The following PCDHA9 variants were observed in gnomAD, a reference collection of about 807,000 sequenced individuals.
PCDHA9 encodes the protein protocadherin alpha-9.
PCDHA9 carries 62 observed loss-of-function variants against 62.0 expected under a neutral mutation model. The ratio of observed to expected loss-of-function variants is 1.00; its 90% CI spans 0.81 to 1.23. The LOEUF is 1.23. Ranked by LOEUF, PCDHA9 falls within the 50% of genes most tolerant of loss-of-function variation. The probability of loss-of-function intolerance (pLI) is 0.00; values close to 1 mark genes in which losing one functional copy is unlikely to be tolerated. For missense variants in PCDHA9, 1,205 were observed against 1,249.8 expected, an observed-to-expected ratio of 0.96 and a Z score of 0.54; for synonymous variants, 557 against 567.6, an observed-to-expected ratio of 0.98 and a Z score of 0.27.
At chr5:140,924,670 C>A (rs2081947196) in intron 1 of PCDHA9, among the ~76,000 whole-genome samples, 1 of 151,926 alleles carries the variant, frequency 6.6e-6, no homozygotes, top group African/African-American at 2.4e-5. Flanking sequence ...CGAGGCAGGC[C>A]AATCACTTGA....
At chr5:140,969,761 T>C (rs886878870) in intron 1 of PCDHA9, among the ~76,000 whole-genome samples, 1 of 152,234 alleles carries the variant, frequency 6.6e-6, no homozygotes, top group African/African-American at 2.4e-5. Flanking sequence ...TAAAAAGCTC[T>C]GAGGCCTCTA....
At chr5:140,917,287 G>A (rs190210744) in intron 1 of PCDHA9, among the ~76,000 whole-genome samples, 51 of 147,686 alleles carry the variant, frequency 3.5e-4, no homozygotes, top group Admixed American at 7.7e-4. Flanking sequence ...ACGCTTTTCC[G>A]TGTGCAGATA....
chr5:140,877,303 T>G, intron 1 of PCDHA9: 1 of 1,613,850 alleles, frequency 6.2e-7, no homozygotes, highest in South Asian at 1.1e-5. Flanking sequence ...GTCCTACGAG[T>G]TGCAACCGGC....
rs576230620 is a variant in PCDHA9 at position 140,948,680 on chromosome 5, T to C, written c.2395-30269T>C. 2.0e-5 allele frequency among the ~76,000 whole-genome samples: 3 copies of C among 151,762 alleles called. No homozygotes were observed. The South Asian group carries it at 6.2e-4, about 31-fold the overall frequency. On this transcript the variant is annotated intron_variant, in intron 1 of 3. Coordinates refer to ENST00000532602, the MANE Select transcript of PCDHA9 (RefSeq NM_031857.2). Reference sequence around the variant, plus strand: ...ATCTGTAGTGATAACATCTTTTTCATTTTTGATATTGGTGATTTGTGTTCT... The same window carrying C: ...ATCTGTAGTGATAACATCTTTTTCACTTTTGATATTGGTGATTTGTGTTCT...
chr5:140,858,071 C>T (rs782061637), intron 1 of PCDHA9: 1 of 1,597,680 alleles, frequency 6.3e-7, no homozygotes, highest in Admixed American at 1.7e-5. Flanking sequence ...CAGCCAGGCA[C>T]CCAAGGCCTC....
At chr5:140,867,220 A>G (rs782476423) in intron 1 of PCDHA9, 2 of 152,110 alleles carry the variant, frequency 1.3e-5, no homozygotes, top group Non-Finnish European at 2.9e-5. Flanking sequence ...TTCATCCCCA[A>G]TTCCCATAAT....
At chr5:140,900,956 C>G (rs2068392622) in intron 1 of PCDHA9, among the ~76,000 whole-genome samples, 1 of 152,160 alleles carries the variant, frequency 6.6e-6, no homozygotes, top group African/African-American at 2.4e-5. Flanking sequence ...CTCTGATTAT[C>G]AGTGATGTTG....
Position 140,979,061 on chromosome 5 carries a change from A to G in PCDHA9, c.2453+54A>G, listed in dbSNP as rs374803810. 155 of 1,605,246 alleles carry G rather than the reference A, an allele frequency of 9.7e-5. No individual in the cohort carries two copies. The African/African-American group carries it at 1.8e-3, about 19-fold the overall frequency. On this transcript the variant is annotated intron_variant, in intron 2 of 3. Coordinates refer to ENST00000532602, the MANE Select transcript of PCDHA9 (RefSeq NM_031857.2). ...AAGTAACCTTAACTTGGTATGGCTC[A>G]GATAAACTGCATCTCCATAGGCCAG...
intron 1 of PCDHA9, among the ~76,000 whole-genome samples, chr5:140,906,949 A>G (rs1349850915): frequency 1.3e-5 from 2 of 152,144 alleles, no homozygotes; most frequent in Non-Finnish European, 2.9e-5. Flanking sequence ...CTTAATTTCC[A>G]GTTTAATGGA....
chr5:140,936,771 C>G (rs182480245), intron 1 of PCDHA9, among the ~76,000 whole-genome samples: 2 of 152,230 alleles, frequency 1.3e-5, no homozygotes, highest in South Asian at 4.1e-4. Flanking sequence ...TGTGTAAGTT[C>G]TCTCACTTTG....
At chr5:140,902,986 T>C (rs569244845) in intron 1 of PCDHA9, among the ~76,000 whole-genome samples, 1 of 152,346 alleles carries the variant, frequency 6.6e-6, no homozygotes, top group East Asian at 1.9e-4. Flanking sequence ...GTTGGTTCCA[T>C]ATTTTTGCAA....
At chr5:140,887,438 A>T (rs540823028) in intron 1 of PCDHA9, among the ~76,000 whole-genome samples, 3 of 152,268 alleles carry the variant, frequency 2.0e-5, no homozygotes, top group Admixed American at 6.5e-5. Flanking sequence ...TTCACTGGGC[A>T]TAGTTGACAG....
At chr5:140,978,703 G>A (rs556167285) in intron 1 of PCDHA9, among the ~76,000 whole-genome samples, 9 of 152,210 alleles carry the variant, frequency 5.9e-5, no homozygotes, top group Non-Finnish European at 1.3e-4. Flanking sequence ...AGCCAAAGGT[G>A]GCCTTTACAA....
At chr5:140,902,560 G>T (rs558432897) in intron 1 of PCDHA9, among the ~76,000 whole-genome samples, 9 of 152,072 alleles carry the variant, frequency 5.9e-5, no homozygotes, top group Non-Finnish European at 1.2e-4. Flanking sequence ...CCAGATTTTT[G>T]AGGGTTTTTA....
Position 140,876,461 on chromosome 5 carries a change from T to C in PCDHA9, c.2394+25572T>C, listed in dbSNP as rs782233071. 28 of 1,613,936 alleles carry C rather than the reference T, an allele frequency of 1.7e-5. No homozygotes were observed. In the East Asian group the frequency reaches 5.8e-4, roughly 33 times the overall value. ...GCCATTGATAAAGGGATTCCTTCCA[T>C]GGCAGGTCACAGCATGGTCCTGGTG... On this transcript the variant is annotated intron_variant, in intron 1 of 3. Coordinates refer to ENST00000532602, the MANE Select transcript of PCDHA9 (RefSeq NM_031857.2).
Position 140,850,919 on chromosome 5 carries a change from T to C in PCDHA9, c.2394+30T>C, listed in dbSNP as rs2150502156. 62 of 1,527,062 alleles carry C rather than the reference T, an allele frequency of 4.1e-5. 7 individuals are homozygous for C. The highest frequency in any genetic ancestry group is 4.8e-5 in the Non-Finnish European group (55 of 1,135,558). The allele number at this position is 1,527,062 out of a possible 1,614,324, so 94.6% of individuals were successfully genotyped here. ...GTTTTTCTAGCATTTTATTTATTTA[T>C]ATAATTTTTTTTCTTGAAAGATATT... On this transcript the variant is annotated intron_variant, in intron 1 of 3. Coordinates refer to ENST00000532602, the MANE Select transcript of PCDHA9 (RefSeq NM_031857.2).
In PCDHA9 at chr5:140,857,966, G is replaced by C. The variant is rs1212933789; in HGVS notation, c.2394+7077G>C. 1.9e-6 allele frequency: 3 copies of C among 1,596,950 alleles called. No individual in the cohort carries two copies. The highest frequency in any genetic ancestry group is 1.1e-5 in the South Asian group (1 of 90,498). ...TACGACGCGCGCTCTGGATGAGACT[G>C]ACTCGCCACGCCAGCGCCTACTGGT... is the stretch of plus-strand genomic sequence containing the variant. On this transcript the variant is annotated intron_variant, in intron 1 of 3. Transcript: ENST00000532602.
chr5:140,858,537 C>T (rs1485044907), intron 1 of PCDHA9: 2 of 1,400,036 alleles, frequency 1.4e-6, no homozygotes, highest in Non-Finnish European at 2.0e-6. Flanking sequence ...TTTTTGTCTA[C>T]ATTCCATTTA....
intron 1 of PCDHA9, among the ~76,000 whole-genome samples, chr5:140,961,629 A>G (rs970820292): frequency 6.6e-6 from 1 of 152,162 alleles, no homozygotes; most frequent in Non-Finnish European, 1.5e-5. Flanking sequence ...CATATGAAAA[A>G]CAATCTTAAG....
Sources: allele counts gnomAD v4.1 joint callset (sites outside exome capture counted in the v4.1 genomes callset), GRCh38; gene constraint gnomAD v4.1.1; transcripts MANE v1.5; gene names NCBI Gene and HGNC (gene_info 2026-07-23, HGNC 2026-07-21).